ADGRE1: variants seen among roughly 807,000 people sequenced by gnomAD.
ADGRE1 encodes adhesion G protein-coupled receptor E1.
ADGRE1 carries 82 observed loss-of-function variants against 102.7 expected under a neutral mutation model. The ratio of observed to expected loss-of-function variants is 0.80; its 90% CI spans 0.67 to 0.96. ADGRE1 has a LOEUF of 0.96. ADGRE1 is among the 40% of genes least tolerant of loss of function. The pLI, the probability that ADGRE1 is intolerant of heterozygous loss-of-function variation, is 0.00. For synonymous variants in ADGRE1, 398 were observed against 399.6 expected (o/e 1.00, Z 0.05); for missense variants, 1,032 against 1,085.3 (o/e 0.95, Z 0.69).
Position 6,901,911 on chromosome 19 carries a change from AGCAT to A in ADGRE1, c.555_558del (p.His185GlnfsTer25). The A allele has an allele frequency of 1.2e-6, 2 of 1,614,210 alleles. No individual in the cohort carries two copies. Among genetic ancestry groups the A allele is most frequent in the Non-Finnish European group, 1.7e-6 (2 of 1,180,038 alleles). On this transcript the variant is annotated frameshift_variant, in exon 6 of 21. Transcript: ENST00000312053. LOFTEE classifies it high-confidence loss of function. ...TGTGCAGATCCAAGAGCTTGCCCAG[AGCAT>A]GCAACTTGTAATAACACTGTTGGAA...
At position 6,919,688 on chromosome 19, in the gene ADGRE1, A is replaced by G; in HGVS notation, c.1561A>G (p.Thr521Ala). 1 of 1,613,352 alleles carries G rather than the reference A, an allele frequency of 6.2e-7. No individual in the cohort carries two copies. Among genetic ancestry groups the G allele is most frequent in the East Asian group, 2.2e-5 (1 of 44,782 alleles). Residue 521 changes from threonine (T) to alanine (A), a missense_variant, in exon 13 of 21, where the codon ACT (threonine) becomes GCT (alanine). Coordinates refer to ENST00000312053, the MANE Select transcript of ADGRE1 (RefSeq NM_001974.5). Reference protein sequence around the residue: ...MNSRVVGGIMTGEKKDGFSDP... With the variant: ...MNSRVVGGIMAGEKKDGFSDP... ...TTCTCGAGTCGTTGGGGGCATAATG[A>G]CTGGAGAGAAGAAAGACGGCTTCTC...
chr19:6,927,222 C>T (rs573940416), intron 16 of ADGRE1, among the ~76,000 whole-genome samples: 3 of 141,388 alleles, frequency 2.1e-5, no homozygotes, highest in African/African-American at 2.6e-5. Flanking sequence ...TTCCTCCCTC[C>T]CCTCTTCCCT....
At chr19:6,924,546 A>G (rs1974803078) in intron 14 of ADGRE1, 132 bp from the exon 15 acceptor site, 2 of 698,434 alleles carry the variant, frequency 2.9e-6, no homozygotes, top group Non-Finnish European at 4.9e-6. Context: ...TATCTAGTTC[A>G]CTCTGAGTGT....
At chr19:6,899,421 G>A (rs1973687136) in intron 5 of ADGRE1, among the ~76,000 whole-genome samples, 1 of 152,316 alleles carries the variant, frequency 6.6e-6, no homozygotes, top group African/African-American at 2.4e-5. Context: ...GCTCACGCCT[G>A]TAATACCAGC....
chr19:6,891,614 TG>T (rs1225907062), intron 2 of ADGRE1, among the ~76,000 whole-genome samples: 1 of 151,876 alleles, frequency 6.6e-6, no homozygotes, highest in East Asian at 1.9e-4. Context: ...CCACCACGCC[TG>T]GCTAATTTTT....
In ADGRE1 at chr19:6,924,833, G is replaced by A; in HGVS notation, c.1947G>A (p.Lys649=). 6.2e-7 allele frequency: 1 copy of A among 1,614,100 alleles called. No homozygotes were observed. Among genetic ancestry groups the A allele is most frequent in the Admixed American group, 1.7e-5 (1 of 60,008 alleles). ...TCTGCGTGTGTCTCCTCTTGGCGAA[G>A]ACTCTCTTCCTCGCCGGTATACACA... ...LHLCVCLLLA[K]TLFLAGIHKT... is the part of the protein sequence containing the mutation. Residue 649 remains lysine, a synonymous_variant, in exon 15 of 21, where the codon AAG becomes AAA. Coordinates refer to ENST00000312053, the MANE Select transcript of ADGRE1 (RefSeq NM_001974.5).
chr19:6,912,818 T>C (rs919434944), intron 10 of ADGRE1, among the ~76,000 whole-genome samples: 1 of 152,264 alleles, frequency 6.6e-6, no homozygotes, highest in Non-Finnish European at 1.5e-5. Flanking sequence ...TAAGTATTTC[T>C]GAAAAGATTA....
intron 6 of ADGRE1, among the ~76,000 whole-genome samples, chr19:6,903,138 T>C (rs1031291294): frequency 1.5e-4 from 23 of 152,224 alleles, no homozygotes; most frequent in African/African-American, 5.5e-4. Context: ...TTTAATAATA[T>C]GCAGATTAAC....
intron 9 of ADGRE1, among the ~76,000 whole-genome samples, chr19:6,907,528 C>T (rs981705890): frequency 7.9e-5 from 12 of 151,990 alleles, no homozygotes; most frequent in East Asian, 3.9e-4. Context: ...TTAGTAGAGA[C>T]GGGGTTTTGC....
chr19:6,935,677 G>T (rs1975372902), intron 18 of ADGRE1, among the ~76,000 whole-genome samples: 1 of 152,120 alleles, frequency 6.6e-6, no homozygotes, highest in South Asian at 2.1e-4. Flanking sequence ...CACCCTTGTA[G>T]GTAAATCCTT....
At chr19:6,901,212 G>T (rs898156723) in intron 5 of ADGRE1, among the ~76,000 whole-genome samples, 8 of 152,356 alleles carry the variant, frequency 5.3e-5, no homozygotes, top group Non-Finnish European at 1.0e-4. Context: ...TGCAAGAGAA[G>T]CTGGGAATGC....
At position 6,919,541 on chromosome 19, in the gene ADGRE1, C is replaced by G. The variant is rs751363602; in HGVS notation, c.1421-7C>G. ...CCTTCCTTTTTTTCATTTGGGGAAA[C>G]CTGCAGAGACCACTGGTGTGGCTTT... On this transcript the variant is annotated splice_polypyrimidine_tract_variant and splice_region_variant and intron_variant, in intron 12 of 20. Coordinates refer to ENST00000312053, the MANE Select transcript of ADGRE1 (RefSeq NM_001974.5). The G allele has an allele frequency of 3.1e-6, 5 of 1,599,190 alleles. No homozygotes were observed. Among genetic ancestry groups the G allele is most frequent in the Non-Finnish European group, 4.3e-6 (5 of 1,172,416 alleles).
At chr19:6,910,615 A>T (rs373816) in intron 10 of ADGRE1, among the ~76,000 whole-genome samples, 5 of 138,032 alleles carry the variant, frequency 3.6e-5, no homozygotes, top group South Asian at 4.7e-4. Context: ...TCTGTTGCCC[A>T]GGCTGCAGTG....
chr19:6,909,396 A>G (rs139089706), intron 10 of ADGRE1, among the ~76,000 whole-genome samples: 171 of 152,232 alleles, frequency 1.1e-3, no homozygotes, highest in African/African-American at 3.9e-3. Flanking sequence ...ACTAAACTCT[A>G]TAAATCCCTG....
intron 12 of ADGRE1, among the ~76,000 whole-genome samples, chr19:6,918,974 C>T (rs556339192): frequency 6.6e-6 from 1 of 152,310 alleles, no homozygotes; most frequent in Admixed American, 6.5e-5. Flanking sequence ...ATCCACTTGC[C>T]TTGGCCTCCC....
In ADGRE1 at chr19:6,920,516, C is replaced by CTTTTTTTTTTTT. The variant is rs3053967; in HGVS notation, c.1620+782_1620+793dup. ...TTACAGGCATGAACCACCATGCCCG[C>CTTTTTTTTTTTT]TTTTTTTTTTTTTTTTTTTTTTTTG... is the stretch of plus-strand genomic sequence containing the variant. On this transcript the variant is annotated intron_variant, in intron 13 of 20. Coordinates refer to ENST00000312053, the MANE Select transcript of ADGRE1 (RefSeq NM_001974.5). Among the ~76,000 whole-genome samples the CTTTTTTTTTTTT allele has an allele frequency of 3.7e-4, 28 of 75,748 alleles. 5 individuals carry two copies. Among genetic ancestry groups the CTTTTTTTTTTTT allele is most frequent in the Non-Finnish European group, 4.4e-4 (18 of 40,824 alleles). The allele number at this position is 75,748 out of a possible 152,430, so 49.7% of individuals were successfully genotyped here.
chr19:6,938,498 T>C (rs1489213244), intron 20 of ADGRE1, among the ~76,000 whole-genome samples: 1 of 152,118 alleles, frequency 6.6e-6, no homozygotes, highest in East Asian at 1.9e-4. Context: ...CACTAGAATG[T>C]CTTATTTTTT....
intron 10 of ADGRE1, among the ~76,000 whole-genome samples, chr19:6,910,279 G>A (rs1974121861): frequency 6.6e-6 from 1 of 151,844 alleles, no homozygotes; most frequent in Non-Finnish European, 1.5e-5. Context: ...TTTATACTAT[G>A]TTTATAAATA....
intron 12 of ADGRE1, among the ~76,000 whole-genome samples, chr19:6,918,300 G>C (rs1974479627): frequency 6.6e-6 from 1 of 152,078 alleles, no homozygotes; most frequent in South Asian, 2.1e-4. Flanking sequence ...AATTAGCTGG[G>C]TGTGGTCTCG....
Sources: gnomAD v4.1 joint callset for allele counts (sites outside exome capture counted in the v4.1 genomes callset) on GRCh38, gnomAD v4.1.1 for gene constraint, MANE v1.5 for transcripts, NCBI Gene and HGNC (gene_info 2026-07-23, HGNC 2026-07-21) for gene names.